The following DOCK4 variants were observed in gnomAD, a reference collection of about 807,000 sequenced individuals.
The protein encoded by DOCK4 is dedicator of cytokinesis protein 4.
DOCK4 carries 97 observed loss-of-function variants against 268.1 expected under a neutral mutation model. The ratio of observed to expected loss-of-function variants is 0.36; its 90% CI spans 0.31 to 0.43. The LOEUF (loss-of-function observed/expected upper bound fraction) is 0.43, where lower values mean the gene tolerates loss of function less well. Ranked by LOEUF, DOCK4 falls within the 20% of genes least tolerant of loss-of-function variation. The probability of loss-of-function intolerance (pLI) is 1.00; values close to 1 mark genes in which losing one functional copy is unlikely to be tolerated. For missense variants in DOCK4, 2,145 were observed against 2,455.7 expected, an observed-to-expected ratio of 0.87 and a Z score of 2.67; for synonymous variants, 954 against 887.2, an observed-to-expected ratio of 1.08 and a Z score of -1.34.
chr7:112,077,768 C>G (rs1485504908), intron 1 of DOCK4, among the ~76,000 whole-genome samples: 4 of 152,052 alleles, frequency 2.6e-5, no homozygotes, highest in Non-Finnish European at 5.9e-5. Flanking sequence ...TAATACAGCA[C>G]TTGTAATTTT....
intron 1 of DOCK4, among the ~76,000 whole-genome samples, chr7:112,053,100 T>C (rs904570813): frequency 6.6e-5 from 10 of 152,172 alleles, no homozygotes; most frequent in African/African-American, 2.4e-4. Flanking sequence ...TCTTAACCAT[T>C]GAAAACCTGG....
chr7:111,931,243 A>C (rs1403291347), intron 12 of DOCK4, among the ~76,000 whole-genome samples: 1 of 152,204 alleles, frequency 6.6e-6, no homozygotes, highest in African/African-American at 2.4e-5. Context: ...ATCCTGCCAG[A>C]GGAAGGGGAA....
At position 112,057,332 on chromosome 7, in the gene DOCK4, AC is replaced by A. The variant is rs773793745; in HGVS notation, c.38-53202del. ...TTGGGATGCTGAGGCAGGTGAATCA[AC>A]TGAGCTCAGGAGTTTGAGACCAGCC... On this transcript the variant is annotated intron_variant, in intron 1 of 52. Transcript: ENST00000428084. Among the ~76,000 whole-genome samples, 3 of 152,172 alleles carry A rather than the reference AC, an allele frequency of 2.0e-5. No homozygotes were observed. The East Asian group carries it at 5.8e-4, about 29-fold the overall frequency.
chr7:111,906,820 C>T (rs184515488), intron 13 of DOCK4, among the ~76,000 whole-genome samples: 1 of 152,236 alleles, frequency 6.6e-6, no homozygotes, highest in Non-Finnish European at 1.5e-5. Context: ...CTTCCACAAG[C>T]TGGAAAAGGC....
At chr7:111,777,759 G>C (rs891507931) in intron 36 of DOCK4, among the ~76,000 whole-genome samples, 1 of 152,070 alleles carries the variant, frequency 6.6e-6, no homozygotes. Context: ...TCTCATAATA[G>C]TGAATAAGTG....
chr7:112,106,344 A>G (rs1446152828), intron 1 of DOCK4, among the ~76,000 whole-genome samples: 2 of 152,248 alleles, frequency 1.3e-5, no homozygotes, highest in African/African-American at 4.8e-5. Context: ...ACCAGATGGC[A>G]GGGCAGCACC....
At chr7:111,918,561 C>A (rs185460060) in intron 12 of DOCK4, among the ~76,000 whole-genome samples, 1 of 152,178 alleles carries the variant, frequency 6.6e-6, no homozygotes, top group Non-Finnish European at 1.5e-5. Flanking sequence ...TGAAGACAAG[C>A]GAACATGTGT....
chr7:111,942,520 C>T (rs561010590), intron 10 of DOCK4, among the ~76,000 whole-genome samples: 9 of 152,250 alleles, frequency 5.9e-5, no homozygotes, highest in African/African-American at 1.9e-4. Flanking sequence ...CGCCTTGCCT[C>T]TAGTTTCAAT....
At chr7:112,134,097 T>C (rs918023747) in intron 1 of DOCK4, among the ~76,000 whole-genome samples, 2 of 152,242 alleles carry the variant, frequency 1.3e-5, no homozygotes, top group South Asian at 4.1e-4. Flanking sequence ...TCATATTACT[T>C]TGAATACTTC....
intron 1 of DOCK4, among the ~76,000 whole-genome samples, chr7:112,023,031 G>GA (rs1802464891): frequency 2.0e-5 from 3 of 152,024 alleles, no homozygotes; most frequent in South Asian, 4.1e-4. Context: ...GTTTTTCAGC[G>GA]ATTCTCCTGC....
At chr7:112,157,291 G>C (rs1401966906) in intron 1 of DOCK4, among the ~76,000 whole-genome samples, 1 of 152,084 alleles carries the variant, frequency 6.6e-6, no homozygotes, top group African/African-American at 2.4e-5. Flanking sequence ...ATTACAGAGT[G>C]CTTATCCAAT....
intron 7 of DOCK4, among the ~76,000 whole-genome samples, chr7:111,983,725 C>T (rs185907121): frequency 4.1e-4 from 63 of 152,040 alleles, no homozygotes; most frequent in African/African-American, 1.5e-3. Context: ...TCACGGGCTT[C>T]AGTACTTAGG....
chr7:111,984,456 G>GT, intron 6 of DOCK4, 66 bp from the exon 7 acceptor site: 9 of 1,407,726 alleles, frequency 6.4e-6, no homozygotes, highest in Non-Finnish European at 7.9e-6. Flanking sequence ...AAAACAATTG[G>GT]TTTTTTACTA....
At chr7:112,113,267 G>T (rs962033134) in intron 1 of DOCK4, among the ~76,000 whole-genome samples, 1 of 152,116 alleles carries the variant, frequency 6.6e-6, no homozygotes, top group East Asian at 1.9e-4. Context: ...TAGTGTGTAG[G>T]AACAACAGAA....
intron 8 of DOCK4, 50 bp from the exon 9 acceptor site, chr7:111,945,848 G>T (rs1016967396): frequency 5.0e-6 from 7 of 1,405,846 alleles, no homozygotes; most frequent in Admixed American, 2.0e-5. Flanking sequence ...AATAGTTAAA[G>T]ATTTATCCCT....
rs917732968 is a variant in DOCK4 at position 111,726,761 on chromosome 7, G to A, written c.*1513C>T. On this transcript the variant is annotated 3_prime_UTR_variant, in exon 53 of 53. Transcript: ENST00000428084. ...TCATACTGCATCAACAACTGTTTGC[G>A]TTTATTTTTACTTTTTTTTACACAT... 3 of 152,406 alleles carry A rather than the reference G, an allele frequency of 2.0e-5. No homozygotes were observed. Among genetic ancestry groups the A allele is most frequent in the South Asian group, 2.1e-4 (1 of 4,816 alleles). 9.4% of individuals were successfully genotyped at this position (152,406 alleles called of 1,614,324 possible).
At chr7:112,169,635 T>G (rs1226848651) in intron 1 of DOCK4, among the ~76,000 whole-genome samples, 1 of 152,202 alleles carries the variant, frequency 6.6e-6, no homozygotes, top group Non-Finnish European at 1.5e-5. Context: ...CATGCATCTG[T>G]CGACCATCCA....
intron 1 of DOCK4, among the ~76,000 whole-genome samples, chr7:112,127,116 T>A (rs1813294448): frequency 3.3e-5 from 5 of 150,420 alleles, no homozygotes; most frequent in Admixed American, 6.6e-5. Context: ...CACACGTATG[T>A]TTATTGCGGC....
intron 13 of DOCK4, among the ~76,000 whole-genome samples, chr7:111,905,568 C>T (rs1191880117): frequency 6.6e-6 from 1 of 152,056 alleles, no homozygotes; most frequent in African/African-American, 2.4e-5. Context: ...AACTGTAATC[C>T]TTGTTTCTGT....
Sources: gnomAD v4.1 joint callset for allele counts (sites outside exome capture counted in the v4.1 genomes callset) on GRCh38, gnomAD v4.1.1 for gene constraint, MANE v1.5 for transcripts, NCBI Gene and HGNC (gene_info 2026-07-23, HGNC 2026-07-21) for gene names.